The following PCED1B variants were observed in gnomAD, a reference collection of about 807,000 sequenced individuals.
The protein encoded by PCED1B is PC-esterase domain-containing protein 1B.
For synonymous variants in PCED1B, 251 were observed against 246.1 expected (o/e 1.02, Z -0.19); for missense variants, 573 against 573.9 (o/e 1.00, Z 0.02).
intron 2 of PCED1B, among the ~76,000 whole-genome samples, chr12:47,185,212 T>C (rs1300967356): frequency 6.6e-6 from 1 of 152,172 alleles, no homozygotes; most frequent in Admixed American, 6.5e-5. Context: ...TTATTTGGAA[T>C]GCAAATGTAA....
At chr12:47,184,665 T>TA (rs1191011925) in intron 2 of PCED1B, among the ~76,000 whole-genome samples, 3,871 of 131,518 alleles carry the variant, frequency 0.029, 65 homozygotes, top group Non-Finnish European at 0.039. Flanking sequence ...CCAAAGACAC[T>TA]AAAAAAAAAA....
At chr12:47,114,088 T>A (rs1284867678) in intron 2 of PCED1B, among the ~76,000 whole-genome samples, 2 of 152,186 alleles carry the variant, frequency 1.3e-5, no homozygotes. Context: ...GATAATTGAC[T>A]ACAGATTTAC....
At chr12:47,182,509 T>C (rs975096216) in intron 2 of PCED1B, among the ~76,000 whole-genome samples, 1 of 151,420 alleles carries the variant, frequency 6.6e-6, no homozygotes, top group East Asian at 1.9e-4. Context: ...GAGAATCACT[T>C]GAATCTGGGA....
chr12:47,209,845 A>C (rs1943022942), intron 2 of PCED1B: 1 of 152,264 alleles, frequency 6.6e-6, no homozygotes, highest in Admixed American at 6.5e-5. Flanking sequence ...TCTTAGAAAG[A>C]GCAAGACTGT....
At chr12:47,154,011 C>G (rs937795993) in intron 2 of PCED1B, among the ~76,000 whole-genome samples, 12 of 152,192 alleles carry the variant, frequency 7.9e-5, no homozygotes, top group African/African-American at 2.9e-4. Context: ...ATGCTATATT[C>G]CACTATGTCA....
At chr12:47,126,130 T>C (rs544208949) in intron 2 of PCED1B, among the ~76,000 whole-genome samples, 85 of 152,194 alleles carry the variant, frequency 5.6e-4, no homozygotes, top group Admixed American at 3.7e-3. Context: ...GGTATGATGA[T>C]AACTGTAAGG....
intron 3 of PCED1B, among the ~76,000 whole-genome samples, chr12:47,231,685 A>G (rs1317008079): frequency 1.3e-5 from 2 of 152,126 alleles, no homozygotes; most frequent in South Asian, 2.1e-4. Flanking sequence ...AGGGCACTTC[A>G]CTCCCAGAGA....
At chr12:47,230,475 A>G (rs1943771965) in intron 3 of PCED1B, among the ~76,000 whole-genome samples, 1 of 144,528 alleles carries the variant, frequency 6.9e-6, no homozygotes, top group African/African-American at 2.6e-5. Flanking sequence ...ACACAGCCTC[A>G]CTCTGTTGCC....
intron 2 of PCED1B, among the ~76,000 whole-genome samples, chr12:47,120,700 G>C (rs1022774607): frequency 6.6e-6 from 1 of 152,100 alleles, no homozygotes; most frequent in Non-Finnish European, 1.5e-5. Flanking sequence ...TACTCGAGAG[G>C]CTGAGGCAGG....
chr12:47,198,329 T>TGACAAAATCCAGCACTC (rs1338041793), intron 2 of PCED1B, among the ~76,000 whole-genome samples: 2 of 152,140 alleles, frequency 1.3e-5, no homozygotes, highest in Non-Finnish European at 2.9e-5. Context: ...GAAAAGCACT[T>TGACAAAATCCAGCACTC]GACAAAATCC....
chr12:47,087,364 A>G (rs2137155416), intron 1 of PCED1B, among the ~76,000 whole-genome samples: 1 of 152,296 alleles, frequency 6.6e-6, no homozygotes, highest in East Asian at 1.9e-4. Flanking sequence ...AACCTGCCCA[A>G]TATTAGTGGT....
At chr12:47,129,357 T>C (rs751104080) in intron 2 of PCED1B, among the ~76,000 whole-genome samples, 12 of 151,934 alleles carry the variant, frequency 7.9e-5, no homozygotes, top group Non-Finnish European at 1.2e-4. Flanking sequence ...CCTGTGGTCT[T>C]AGCTACCTGT....
chr12:47,123,425 T>A (rs1013634283), intron 2 of PCED1B, among the ~76,000 whole-genome samples: 1 of 152,114 alleles, frequency 6.6e-6, no homozygotes, highest in Non-Finnish European at 1.5e-5. Context: ...GGTGCTTAAT[T>A]TTTTTATGAC....
intron 1 of PCED1B, among the ~76,000 whole-genome samples, chr12:47,083,703 G>A (rs1411764209): frequency 6.6e-6 from 1 of 152,116 alleles, no homozygotes; most frequent in African/African-American, 2.4e-5. Context: ...TGAACTCCAG[G>A]AGGCATGGGT....
At chr12:47,157,695 G>T (rs1423064653) in intron 2 of PCED1B, among the ~76,000 whole-genome samples, 11 of 151,832 alleles carry the variant, frequency 7.2e-5, no homozygotes. Flanking sequence ...TCAGTGTAAA[G>T]GTGTGTTAAA....
intron 1 of PCED1B, among the ~76,000 whole-genome samples, chr12:47,091,593 A>G (rs1938268668): frequency 2.0e-5 from 3 of 151,950 alleles, no homozygotes; most frequent in South Asian, 4.1e-4. Flanking sequence ...ATGCTTTTTC[A>G]TTTGCTTATT....
At chr12:47,159,246 T>C (rs185476348) in intron 2 of PCED1B, among the ~76,000 whole-genome samples, 1 of 152,322 alleles carries the variant, frequency 6.6e-6, no homozygotes, top group African/African-American at 2.4e-5. Flanking sequence ...TCTTTTCCTC[T>C]GGATAAATAC....
chr12:47,122,478 A>G (rs1306777397), intron 2 of PCED1B, among the ~76,000 whole-genome samples: 1 of 152,232 alleles, frequency 6.6e-6, no homozygotes, highest in Non-Finnish European at 1.5e-5. Context: ...TGTGTGAAAA[A>G]TAAATGTCTT....
At chr12:47,170,239 A>G (rs1202066644) in intron 2 of PCED1B, among the ~76,000 whole-genome samples, 1 of 152,216 alleles carries the variant, frequency 6.6e-6, no homozygotes, top group African/African-American at 2.4e-5. Flanking sequence ...ACAGCATCCC[A>G]AGGCAGAAGA....
Sources: gnomAD v4.1 joint callset for allele counts (sites outside exome capture counted in the v4.1 genomes callset) on GRCh38, gnomAD v4.1.1 for gene constraint, MANE v1.5 for transcripts, NCBI Gene and HGNC (gene_info 2026-07-23, HGNC 2026-07-21) for gene names.